The following FAM20C variants were observed in gnomAD, a reference collection of about 807,000 sequenced individuals.
The protein encoded by FAM20C is FAM20C golgi associated secretory pathway kinase, also known as extracellular serine/threonine protein kinase FAM20C.
Under a neutral mutation model 51.5 loss-of-function variants are expected in FAM20C, and 40 were observed. The observed-to-expected ratio is 0.78, with a 90% CI of 0.60 to 1.01. The LOEUF (loss-of-function observed/expected upper bound fraction) is 1.01, where lower values mean the gene tolerates loss of function less well. Among genes scored for constraint, FAM20C ranks in the 50% least tolerant of loss-of-function variants. FAM20C has a pLI of 0.00. For missense variants in FAM20C, 861 were observed against 844.7 expected (o/e 1.02, Z -0.24); for synonymous variants, 406 against 380.6 (o/e 1.07, Z -0.78).
At chr7:206,810 G>A (rs376374972) in intron 2 of FAM20C, among the ~76,000 whole-genome samples, 23 of 38,852 alleles carry the variant, frequency 5.9e-4, no homozygotes, top group African/African-American at 1.7e-3. Context: ...ACTGTGACGC[G>A]TCGGTCACTG....
At chr7:246,554 C>A in intron 4 of FAM20C, 47 bp downstream of exon 4, 1 of 1,221,636 alleles carries the variant, frequency 8.2e-7, no homozygotes, top group Non-Finnish European at 1.1e-6. Flanking sequence ...TGCGCTCAGA[C>A]CCACCGGTGA....
At chr7:248,943 C>CG (rs1294924869) in intron 5 of FAM20C, among the ~76,000 whole-genome samples, 2 of 152,236 alleles carry the variant, frequency 1.3e-5, no homozygotes, top group African/African-American at 2.4e-5. Flanking sequence ...CCACCTCCCA[C>CG]GCAGGGGTGC....
At chr7:250,333 A>G (rs1238314648) in intron 5 of FAM20C, among the ~76,000 whole-genome samples, 1 of 151,936 alleles carries the variant, frequency 6.6e-6, no homozygotes, top group Non-Finnish European at 1.5e-5. Context: ...CTCAAAGCCC[A>G]TTAATAAGAG....
rs370916083 is a variant in FAM20C, at chr7:255,853, C to T, written c.1077C>T (p.Asn359=). 2.8e-4 allele frequency: 432 copies of T among 1,536,428 alleles called. 7 individuals carry two copies. The South Asian group carries it at 4.8e-3, about 17-fold the overall frequency. The change falls in exon 6 of 10, where the codon AAC becomes AAT. Residue 359 remains asparagine, a synonymous_variant. Transcript: ENST00000313766. The part of the protein sequence containing the change: ...LWRTFFISPA[N]NICFYGECSY... ...CCGCAGCCTGTCCCTCCCCAGCCAACAACATCTGCTTCTACGGCGAGTGTT... is the reference window on the plus strand; with the variant it reads ...CCGCAGCCTGTCCCTCCCCAGCCAATAACATCTGCTTCTACGGCGAGTGTT...
At chr7:241,228 C>T (rs1020229508) in intron 3 of FAM20C, among the ~76,000 whole-genome samples, 9 of 152,276 alleles carry the variant, frequency 5.9e-5, no homozygotes, top group East Asian at 1.9e-4. Flanking sequence ...GGAAGTGGCC[C>T]GAGGGCCTCG....
At position 206,380 on chromosome 7, in the gene FAM20C, C is replaced by T. The variant is rs111369071; in HGVS notation, c.785-2518C>T. On this transcript the variant is annotated intron_variant, in intron 2 of 9. Coordinates refer to ENST00000313766, the MANE Select transcript of FAM20C (RefSeq NM_020223.4). ...TCATGCCCTGCTGCCCCACGCTGGC[C>T]GCCCTTCCCTTTCCCTGGGACCCCC... Among the ~76,000 whole-genome samples, 765 of 152,298 alleles carry T rather than the reference C, an allele frequency of 5.0e-3. 2 individuals are homozygous for T. Among genetic ancestry groups the T allele is most frequent in the African/African-American group, 0.017 (686 of 41,562 alleles).
chr7:241,734 CGT>C (rs1198753428), intron 3 of FAM20C, among the ~76,000 whole-genome samples: 11 of 151,460 alleles, frequency 7.3e-5, no homozygotes, highest in South Asian at 4.2e-4. Flanking sequence ...TGTGAGCGCC[CGT>C]GTGTGTGTTT....
Position 248,327 on chromosome 7 carries a change from C to G in FAM20C, c.969C>G (p.Phe323Leu), listed in dbSNP as rs961109722. ...AAFHLDRILD[F>L]RRVPPVAGRM... ...CGTTTCTTGCCAGGATCCTGGACTT[C>G]CGCCGGGTCCCTCCCGTGGCCGGCA... Residue 323 changes from phenylalanine (F) to leucine (L), a missense_variant, in exon 5 of 10, where the codon TTC (phenylalanine) becomes TTG (leucine). Coordinates refer to ENST00000313766, the MANE Select transcript of FAM20C (RefSeq NM_020223.4). 21 of 1,536,744 alleles carry G rather than the reference C, an allele frequency of 1.4e-5. No individual in the cohort carries two copies. In the African/African-American group the frequency reaches 2.3e-4, roughly 17 times the overall value.
chr7:203,491 C>G (rs910784867), intron 2 of FAM20C, among the ~76,000 whole-genome samples: 5 of 152,230 alleles, frequency 3.3e-5, no homozygotes, highest in African/African-American at 4.8e-5. Context: ...TACCTCCCAC[C>G]CATCCCGATG....
intron 3 of FAM20C, among the ~76,000 whole-genome samples, chr7:211,838 G>A (rs1474672544): frequency 6.6e-6 from 1 of 152,244 alleles, no homozygotes; most frequent in African/African-American, 2.4e-5. Flanking sequence ...TCTTCCCACA[G>A]GGCACGTGGC....
Position 193,365 on chromosome 7 carries a change from G to T in FAM20C, c.166G>T (p.Ala56Ser). The change falls in exon 1 of 10, where the codon GCC becomes TCC. Residue 56 changes from alanine to serine, a missense_variant. By Grantham distance (99) the Ala-to-Ser change is moderately conservative (BLOSUM62 1). This residue lies in a region of FAM20C where 561 missense variants were observed against 499.8 expected (regional missense o/e 1.12). Coordinates refer to ENST00000313766, the MANE Select transcript of FAM20C (RefSeq NM_020223.4). ...GTGCGCGCAGCCCGCCGCCGAGGTG[G>T]CCGCGCCCGGCTGGGCCCAGGTTCG... ...CSCAQPAAEV[A>S]APGWAQVRGR... 6 of 1,264,596 alleles carry T rather than the reference G, an allele frequency of 4.7e-6. No homozygotes were observed. Among genetic ancestry groups the T allele is most frequent in the Non-Finnish European group, 6.0e-6 (6 of 1,006,290 alleles). The allele number at this position is 1,264,596 out of a possible 1,614,324, so 78.3% of individuals were successfully genotyped here. A position where few individuals can be genotyped will look rare whatever the true frequency, so the allele number is the denominator to read the frequency against.
chr7:200,271 C>T (rs1416946557), intron 2 of FAM20C, among the ~76,000 whole-genome samples: 2 of 150,718 alleles, frequency 1.3e-5, no homozygotes, highest in Non-Finnish European at 3.0e-5. Flanking sequence ...GTCCCAGGGC[C>T]TCGCTCGGCC....
At chr7:248,879 G>A (rs550413014) in intron 5 of FAM20C, among the ~76,000 whole-genome samples, 134 of 152,316 alleles carry the variant, frequency 8.8e-4, no homozygotes, top group Non-Finnish European at 1.3e-3. Flanking sequence ...AGCCTGGCAC[G>A]TGCCCTGTGC....
At position 215,203 on chromosome 7, in the gene FAM20C, T is replaced by A. The variant is rs1012306163; in HGVS notation, c.863+6227T>A. Among the ~76,000 whole-genome samples, 3 of 141,586 alleles carry A rather than the reference T, an allele frequency of 2.1e-5. 1 individual carries two copies. The highest frequency in any genetic ancestry group is 7.8e-5 in the African/African-American group (3 of 38,590). 92.9% of individuals were successfully genotyped at this position (141,586 alleles called of 152,430 possible). A position where few individuals can be genotyped will look rare whatever the true frequency, so the allele number is the denominator to read the frequency against. ...AGGCGGAGTGAGCGAGTGAGCACCG[T>A]ACCACAGAGTTTAGAGGCTCCAGCT... On this transcript the variant is annotated intron_variant, in intron 3 of 9. Transcript: ENST00000313766.
intron 3 of FAM20C, among the ~76,000 whole-genome samples, chr7:209,841 A>G (rs986814542): frequency 8.5e-5 from 13 of 152,384 alleles, no homozygotes; most frequent in African/African-American, 2.9e-4. Flanking sequence ...AAAACAAAAT[A>G]TAGCTGCCTG....
rs1302980313 is a variant in FAM20C at position 193,296 on chromosome 7, C to A, written c.97C>A (p.Leu33Met). 1 of 1,415,456 alleles carries A rather than the reference C, an allele frequency of 7.1e-7. No homozygotes were observed. Among genetic ancestry groups the A allele is most frequent in the Admixed American group, 2.4e-5 (1 of 41,146 alleles). 87.7% of individuals were successfully genotyped at this position (1,415,456 alleles called of 1,614,324 possible). A position where few individuals can be genotyped will look rare whatever the true frequency, so the allele number is the denominator to read the frequency against. The stretch of plus-strand genomic sequence containing the variant: ...CATCGCCCTGGACCTGCTGCCCAGG[C>A]TGGAGCGACGCGGCGCGCGGCCCTC... ...LHIALDLLPR[L>M]ERRGARPSGE... is the part of the protein sequence containing the mutation. The change falls in exon 1 of 10, where the codon CTG becomes ATG. Residue 33 changes from leucine (L) to methionine (M), a missense_variant. Physicochemically the swap from Leu to Met is conservative, Grantham distance 15. Transcript: ENST00000313766.
At chr7:254,187 G>A (rs921566261) in intron 5 of FAM20C, among the ~76,000 whole-genome samples, 25 of 152,296 alleles carry the variant, frequency 1.6e-4, no homozygotes, top group Admixed American at 3.9e-4. Context: ...TTTCCTCTCC[G>A]AACCTCAGCT....
chr7:221,989 TCGTCTC>T (rs1787248539), intron 3 of FAM20C, among the ~76,000 whole-genome samples: 2 of 55,446 alleles, frequency 3.6e-5, no homozygotes, highest in East Asian at 5.4e-4. Context: ...GGGTGGAGCC[TCGTCTC>T]CAGCAGGGCA....
chr7:222,821 G>A (rs926734694), intron 3 of FAM20C, among the ~76,000 whole-genome samples: 2 of 152,144 alleles, frequency 1.3e-5, no homozygotes, highest in Non-Finnish European at 2.9e-5. Flanking sequence ...GTGTATGAGT[G>A]TGTAAGGGCA....
Sources: allele counts gnomAD v4.1 joint callset (sites outside exome capture counted in the v4.1 genomes callset), GRCh38; gene constraint gnomAD v4.1.1; regional missense constraint gnomAD v4.1.1; transcripts MANE v1.5; gene names NCBI Gene and HGNC (gene_info 2026-07-23, HGNC 2026-07-21).